The following BIRC6 variants were observed in gnomAD, a reference collection of about 807,000 sequenced individuals.
The protein encoded by BIRC6 is dual E2 ubiquitin-conjugating enzyme/E3 ubiquitin-protein ligase BIRC6.
Under a neutral mutation model 503.3 loss-of-function variants are expected in BIRC6, and 98 were observed. The ratio of observed to expected loss-of-function variants is 0.19; its 90% CI spans 0.17 to 0.23. The LOEUF is 0.23. Ranked by LOEUF, BIRC6 falls within the 10% of genes least tolerant of loss-of-function variation. BIRC6 has a pLI of 1.00. For missense variants in BIRC6, 5,360 were observed against 5,806.0 expected, an observed-to-expected ratio of 0.92 and a Z score of 2.50; for synonymous variants, 2,240 against 2,078.7, an observed-to-expected ratio of 1.08 and a Z score of -2.11.
chr2:32,536,900 A>C (rs2057285253), intron 61 of BIRC6, among the ~76,000 whole-genome samples: 1 of 152,164 alleles, frequency 6.6e-6, no homozygotes, highest in Non-Finnish European at 1.5e-5. Context: ...TGAGCATGGA[A>C]TGTTCTTCCA....
At position 32,603,053 on chromosome 2, in the gene BIRC6, G is replaced by A; in HGVS notation, c.14040G>A (p.Lys4680=). ...LNTWHGRPEE[K]WNPQTSSFLQ... ...CGTGGCATGGAAGACCAGAAGAGAAGTGGAATCCTCAGACCTCAAGCTTTT... is the reference window on the plus strand; with the variant it reads ...CGTGGCATGGAAGACCAGAAGAGAAATGGAATCCTCAGACCTCAAGCTTTT... Residue 4680 remains lysine (K), a synonymous_variant, in exon 71 of 74, where the codon AAG becomes AAA. Transcript: ENST00000421745. The A allele has an allele frequency of 1.9e-6, 3 of 1,612,124 alleles. No homozygotes were observed. Among genetic ancestry groups the A allele is most frequent in the Non-Finnish European group, 2.5e-6 (3 of 1,179,294 alleles).
intron 10 of BIRC6, among the ~76,000 whole-genome samples, chr2:32,426,128 A>G (rs943822817): frequency 6.6e-6 from 1 of 152,216 alleles, no homozygotes; most frequent in Non-Finnish European, 1.5e-5. Flanking sequence ...TTGGCATGAA[A>G]TCACTGGTCC....
intron 14 of BIRC6, 72 bp from the exon 15 acceptor site, chr2:32,435,978 GGAT>G (rs2044651722): frequency 2.3e-6 from 2 of 870,494 alleles, no homozygotes; most frequent in Non-Finnish European, 1.6e-6. Flanking sequence ...TATGTAAATG[GGAT>G]GATATTTGCT....
At chr2:32,520,997 T>C (rs2055598823) in intron 57 of BIRC6, among the ~76,000 whole-genome samples, 1 of 152,192 alleles carries the variant, frequency 6.6e-6, no homozygotes, top group Non-Finnish European at 1.5e-5. Context: ...TTCTAAAACA[T>C]TCTAGCATTC....
chr2:32,518,114 C>G (rs890327474), intron 55 of BIRC6, 140 bp from the exon 56 acceptor site: 1 of 756,836 alleles, frequency 1.3e-6, no homozygotes, highest in East Asian at 3.0e-5. Context: ...TACTAGACCC[C>G]CAGAGACATT....
At chr2:32,562,494 T>G (rs950680734) in intron 65 of BIRC6, among the ~76,000 whole-genome samples, 2 of 152,238 alleles carry the variant, frequency 1.3e-5, no homozygotes, top group African/African-American at 4.8e-5. Context: ...CTCTTTATGT[T>G]CTACAGTTGT....
intron 13 of BIRC6, 143 bp from the exon 14 acceptor site, chr2:32,435,353 A>G: frequency 1.1e-6 from 1 of 873,508 alleles, no homozygotes; most frequent in South Asian, 2.6e-5. Context: ...TGTGATGAAA[A>G]TCACAGAAGT....
At chr2:32,427,488 G>T (rs2043649319) in intron 10 of BIRC6, among the ~76,000 whole-genome samples, 1 of 152,112 alleles carries the variant, frequency 6.6e-6, no homozygotes. Context: ...GTTTCACCAT[G>T]TTGGCCAGGC....
At chr2:32,531,585 C>A in intron 61 of BIRC6, 34 bp downstream of exon 61, 1 of 1,520,336 alleles carries the variant, frequency 6.6e-7, no homozygotes, top group South Asian at 1.2e-5. Flanking sequence ...GTATATCATT[C>A]CATAGCTAAG....
At chr2:32,601,043 T>C (rs949076318) in intron 70 of BIRC6, among the ~76,000 whole-genome samples, 1 of 152,206 alleles carries the variant, frequency 6.6e-6, no homozygotes, top group Non-Finnish European at 1.5e-5. Flanking sequence ...TTAAAAACTT[T>C]ACGATTTTGT....
At chr2:32,510,378 C>G (rs764094348) in intron 52 of BIRC6, 148 bp from the exon 53 acceptor site, 1 of 622,498 alleles carries the variant, frequency 1.6e-6, no homozygotes, top group Non-Finnish European at 2.8e-6. Context: ...TGCACCCAGC[C>G]TAGTTTCATT....
intron 42 of BIRC6, among the ~76,000 whole-genome samples, chr2:32,488,962 T>A (rs1442483637): frequency 1.3e-5 from 2 of 152,152 alleles, no homozygotes; most frequent in Non-Finnish European, 2.9e-5. Context: ...AAATTTACAA[T>A]GTTCTGTTAC....
intron 3 of BIRC6, among the ~76,000 whole-genome samples, chr2:32,387,232 TCCTC>T (rs1262016655): frequency 6.6e-6 from 1 of 151,884 alleles, no homozygotes; most frequent in Non-Finnish European, 1.5e-5. Context: ...AGGGGAGTCA[TCCTC>T]CCTTTCAATA....
intron 10 of BIRC6, among the ~76,000 whole-genome samples, chr2:32,422,245 A>T (rs1253398511): frequency 1.3e-5 from 2 of 152,200 alleles, no homozygotes; most frequent in Non-Finnish European, 2.9e-5. Flanking sequence ...GATAACCTGT[A>T]CCTTTTAAAT....
At chr2:32,380,333 T>C (rs371473488) in intron 3 of BIRC6, 43 bp downstream of exon 3, 38 of 1,548,102 alleles carry the variant, frequency 2.5e-5, no homozygotes, top group Non-Finnish European at 3.2e-5. Context: ...TATATTACAA[T>C]GGACACCTCC....
chr2:32,367,969 T>C (rs542142185), intron 1 of BIRC6, among the ~76,000 whole-genome samples: 1 of 152,348 alleles, frequency 6.6e-6, no homozygotes, highest in African/African-American at 2.4e-5. Context: ...TCAAGATTTA[T>C]TGTGGGCAGC....
chr2:32,374,898 T>C (rs2036522819), intron 1 of BIRC6, among the ~76,000 whole-genome samples: 1 of 152,132 alleles, frequency 6.6e-6, no homozygotes, highest in Admixed American at 6.6e-5. Context: ...GCCACCATGC[T>C]GACGCCACCT....
intron 22 of BIRC6, among the ~76,000 whole-genome samples, chr2:32,449,795 CT>C (rs1039520748): frequency 4.6e-5 from 7 of 152,218 alleles, no homozygotes; most frequent in African/African-American, 1.7e-4. Flanking sequence ...GCTATTTAAA[CT>C]TGTTTGCAAC....
intron 9 of BIRC6, among the ~76,000 whole-genome samples, chr2:32,411,466 C>T (rs1237426716): frequency 4.0e-5 from 5 of 123,660 alleles, no homozygotes; most frequent in South Asian, 2.4e-4. Context: ...TTTGTATTTT[C>T]GAAAATCGCC....
Sources: allele counts gnomAD v4.1 joint callset (sites outside exome capture counted in the v4.1 genomes callset), GRCh38; gene constraint gnomAD v4.1.1; transcripts MANE v1.5; gene names NCBI Gene and HGNC (gene_info 2026-07-23, HGNC 2026-07-21).